KLHL32: variants seen among roughly 807,000 people sequenced by gnomAD.
KLHL32 encodes the protein kelch like family member 32, also known as kelch-like protein 32.
KLHL32 carries 35 observed loss-of-function variants against 64.8 expected under a neutral mutation model. The observed-to-expected ratio is 0.54, with a 90% CI of 0.41 to 0.72. The LOEUF is 0.72. Among genes scored for constraint, KLHL32 ranks in the 30% least tolerant of loss-of-function variants. The pLI, the probability that KLHL32 is intolerant of heterozygous loss-of-function variation, is 0.00. For missense variants in KLHL32, 589 were observed against 768.5 expected (o/e 0.77, Z 2.76); for synonymous variants, 259 against 281.0 (o/e 0.92, Z 0.78).
At chr6:97,131,203 G>A (rs1271893382) in intron 9 of KLHL32, among the ~76,000 whole-genome samples, 1 of 152,142 alleles carries the variant, frequency 6.6e-6, no homozygotes, top group East Asian at 1.9e-4. Context: ...GGCATGTCAA[G>A]TCCATTATCA....
intron 7 of KLHL32, among the ~76,000 whole-genome samples, chr6:97,119,377 T>C (rs1169169904): frequency 6.6e-6 from 1 of 152,006 alleles, no homozygotes; most frequent in African/African-American, 2.4e-5. Flanking sequence ...CTAAGTGAGA[T>C]AATAGGAGGA....
chr6:97,084,818 G>T (rs1045807900), intron 5 of KLHL32, among the ~76,000 whole-genome samples: 1 of 152,128 alleles, frequency 6.6e-6, no homozygotes, highest in Admixed American at 6.5e-5. Context: ...TTAGTAAAAT[G>T]TCTCTAGAAT....
intron 3 of KLHL32, among the ~76,000 whole-genome samples, chr6:97,006,893 C>G (rs528722048): frequency 6.6e-6 from 1 of 152,142 alleles, no homozygotes; most frequent in African/African-American, 2.4e-5. Flanking sequence ...TTTAGGTGAC[C>G]AACCCCTTCT....
intron 5 of KLHL32, among the ~76,000 whole-genome samples, chr6:97,071,564 C>G (rs771500115): frequency 7.2e-5 from 11 of 152,154 alleles, no homozygotes; most frequent in Non-Finnish European, 1.5e-4. Context: ...GTTCAGCCAG[C>G]ATTTCACTTG....
chr6:97,018,765 A>C (rs1231587538), intron 3 of KLHL32, among the ~76,000 whole-genome samples: 1 of 152,218 alleles, frequency 6.6e-6, no homozygotes, highest in Admixed American at 6.5e-5. Flanking sequence ...TAGAAATTCT[A>C]TGCTGGCCAA....
intron 3 of KLHL32, among the ~76,000 whole-genome samples, chr6:96,995,797 G>T (rs920900723): frequency 1.3e-5 from 2 of 152,150 alleles, no homozygotes; most frequent in Non-Finnish European, 2.9e-5. Context: ...ACCGCGTTAA[G>T]TTCATATGTA....
chr6:96,910,524 C>T, the KLHL32 span, among the ~76,000 whole-genome samples: 36 of 152,214 alleles, frequency 2.4e-4, no homozygotes, highest in African/African-American at 8.7e-4. Context: ...CTTGCCTCCA[C>T]ATATCTACAG....
the KLHL32 span, among the ~76,000 whole-genome samples, chr6:96,916,258 C>T: frequency 6.6e-6 from 1 of 152,242 alleles, no homozygotes; most frequent in African/African-American, 2.4e-5. Context: ...CTAGGATTGG[C>T]CAAAACTCAG....
intron 1 of KLHL32, among the ~76,000 whole-genome samples, chr6:96,965,312 A>G (rs1774335540): frequency 6.6e-6 from 1 of 152,240 alleles, no homozygotes; most frequent in African/African-American, 2.4e-5. Flanking sequence ...GCTTTGTAGT[A>G]TATAGCGGAT....
intron 10 of KLHL32, among the ~76,000 whole-genome samples, chr6:97,137,536 A>AGGGG (rs1267562629): frequency 6.6e-6 from 1 of 151,940 alleles, no homozygotes; most frequent in Non-Finnish European, 1.5e-5. Flanking sequence ...TTGAAGTTAA[A>AGGGG]GTCTTTTTTT....
At chr6:96,989,650 A>G (rs1777608142) in intron 3 of KLHL32, among the ~76,000 whole-genome samples, 1 of 152,116 alleles carries the variant, frequency 6.6e-6, no homozygotes, top group South Asian at 2.1e-4. Flanking sequence ...TCACCTCTCT[A>G]ATGAAACTTG....
At chr6:97,089,533 G>A (rs1229827973) in intron 6 of KLHL32, among the ~76,000 whole-genome samples, 2 of 152,088 alleles carry the variant, frequency 1.3e-5, no homozygotes, top group Non-Finnish European at 2.9e-5. Context: ...AATCCCAACA[G>A]TTTGGGAGGC....
chr6:96,940,446 G>C (rs1261420521), intron 1 of KLHL32, among the ~76,000 whole-genome samples: 2 of 152,210 alleles, frequency 1.3e-5, no homozygotes, highest in African/African-American at 4.8e-5. Context: ...TTCAAGGAGA[G>C]AGCATTTACT....
chr6:96,981,759 C>T (rs574496373), intron 3 of KLHL32, among the ~76,000 whole-genome samples: 2 of 152,142 alleles, frequency 1.3e-5, no homozygotes, highest in South Asian at 2.1e-4. Flanking sequence ...TATCTTTGTT[C>T]TCATTATTTT....
At chr6:96,999,425 C>T (rs773520215) in intron 3 of KLHL32, 13 of 424,430 alleles carry the variant, frequency 3.1e-5, no homozygotes, top group Middle Eastern at 1.1e-3. Flanking sequence ...AGTTAATTTC[C>T]GTTTTTGTTT....
At chr6:97,018,710 T>C (rs1781582007) in intron 3 of KLHL32, among the ~76,000 whole-genome samples, 3 of 152,070 alleles carry the variant, frequency 2.0e-5, no homozygotes, top group Non-Finnish European at 4.4e-5. Flanking sequence ...ATTAATATGC[T>C]ATAAAGTAGA....
intron 3 of KLHL32, among the ~76,000 whole-genome samples, chr6:97,034,815 C>G (rs1429458910): frequency 6.6e-6 from 1 of 151,936 alleles, no homozygotes; most frequent in Admixed American, 6.6e-5. Flanking sequence ...TTTGTGTACA[C>G]AAATACCACA....
chr6:96,937,173 C>A (rs1770712492), intron 1 of KLHL32, among the ~76,000 whole-genome samples: 1 of 152,122 alleles, frequency 6.6e-6, no homozygotes, highest in Admixed American at 6.5e-5. Context: ...CAACACAATC[C>A]AGTTTTAGAA....
At chr6:97,051,321 C>T (rs1205804317) in intron 4 of KLHL32, among the ~76,000 whole-genome samples, 2 of 152,198 alleles carry the variant, frequency 1.3e-5, no homozygotes, top group Non-Finnish European at 2.9e-5. Flanking sequence ...CACCCTACCC[C>T]ATTGCCAGTA....
Sources: gnomAD v4.1 joint callset for allele counts (sites outside exome capture counted in the v4.1 genomes callset) on GRCh38, gnomAD v4.1.1 for gene constraint, MANE v1.5 for transcripts, NCBI Gene and HGNC (gene_info 2026-07-23, HGNC 2026-07-21) for gene names.